Variants in SLC44A1 observed in about 807,000 individuals in gnomAD.
The protein encoded by SLC44A1 is solute carrier family 44 member 1, also known as choline transporter-like protein 1.
In SLC44A1, 26 loss-of-function variants were observed where a neutral mutation model predicts 79.3. That is an observed-to-expected ratio of 0.33 (90% CI 0.24 to 0.46). The LOEUF is 0.46. SLC44A1 is among the 20% of genes least tolerant of loss of function. SLC44A1 has a pLI of 1.00. For missense variants in SLC44A1, 688 were observed against 798.1 expected, an observed-to-expected ratio of 0.86 and a Z score of 1.66; for synonymous variants, 263 against 286.2, an observed-to-expected ratio of 0.92 and a Z score of 0.82.
intron 12 of SLC44A1, among the ~76,000 whole-genome samples, chr9:105,372,688 C>T (rs368408142): frequency 1.3e-5 from 2 of 150,934 alleles, no homozygotes; most frequent in African/African-American, 2.4e-5. Flanking sequence ...CGGTGGCTCA[C>T]GCCTGTAATC....
At chr9:105,375,063 C>T (rs906159708) in intron 13 of SLC44A1, among the ~76,000 whole-genome samples, 10 of 152,138 alleles carry the variant, frequency 6.6e-5, no homozygotes, top group African/African-American at 2.4e-4. Context: ...GTTTTTGAAA[C>T]GGAGTTTCGC....
chr9:105,366,456 T>G, intron 12 of SLC44A1, 27 bp downstream of exon 12: 1 of 1,017,912 alleles, frequency 9.8e-7, no homozygotes, highest in Non-Finnish European at 1.4e-6. Flanking sequence ...ATAAATCTAA[T>G]ATTTACTTTC....
At chr9:105,350,575 T>C (rs1455296183) in intron 5 of SLC44A1, among the ~76,000 whole-genome samples, 1 of 152,134 alleles carries the variant, frequency 6.6e-6, no homozygotes, top group African/African-American at 2.4e-5. Flanking sequence ...GGTGTCCTTC[T>C]AGGAGCATAC....
intron 15 of SLC44A1, among the ~76,000 whole-genome samples, chr9:105,436,305 C>A (rs1049439171): frequency 6.6e-6 from 1 of 152,172 alleles, no homozygotes; most frequent in African/African-American, 2.4e-5. Flanking sequence ...GTGACTAGGC[C>A]ACATGATCAT....
intron 15 of SLC44A1, among the ~76,000 whole-genome samples, chr9:105,429,912 T>A (rs1224658763): frequency 6.6e-6 from 1 of 151,168 alleles, no homozygotes; most frequent in Non-Finnish European, 1.5e-5. Context: ...ATATATATAT[T>A]TTGAGACAGG....
At chr9:105,424,948 C>CAAAAA (rs200345209) in intron 15 of SLC44A1, among the ~76,000 whole-genome samples, 18 of 96,178 alleles carry the variant, frequency 1.9e-4, no homozygotes, top group African/African-American at 6.6e-4. Context: ...GACTCCATCT[C>CAAAAA]AAAAAAAAAA....
chr9:105,362,449 G>T (rs1443374491), intron 8 of SLC44A1, among the ~76,000 whole-genome samples: 2 of 152,070 alleles, frequency 1.3e-5, no homozygotes, highest in East Asian at 1.9e-4. Flanking sequence ...AGGAGCTGTT[G>T]GTCTAATAAG....
At chr9:105,278,212 A>C (rs73510270) in intron 1 of SLC44A1, among the ~76,000 whole-genome samples, 29 of 150,608 alleles carry the variant, frequency 1.9e-4, no homozygotes, top group African/African-American at 6.6e-4. Context: ...CAGGTGTGCC[A>C]CTACCGCCTG....
chr9:105,338,894 A>T (rs1827003435), intron 4 of SLC44A1, among the ~76,000 whole-genome samples: 1 of 152,218 alleles, frequency 6.6e-6, no homozygotes, highest in South Asian at 2.1e-4. Flanking sequence ...TTAATATATA[A>T]TTCAAACTTA....
Position 105,394,962 on chromosome 9 carries a change from T to A in SLC44A1, c.*5906T>A. On this transcript the variant is annotated 3_prime_UTR_variant, in exon 16 of 16. Transcript: ENST00000374720. Reference sequence around the variant, plus strand: ...ATGTGGATTTCTTCACATCTGCACCTTACTATTAGGTAAGGGTGCTGCATC... The same window carrying A: ...ATGTGGATTTCTTCACATCTGCACCATACTATTAGGTAAGGGTGCTGCATC... 3 of 985,378 alleles carry A rather than the reference T, an allele frequency of 3.0e-6. No individual in the cohort carries two copies. The highest frequency in any genetic ancestry group is 3.6e-6 in the Non-Finnish European group (3 of 829,914). 61.0% of individuals were successfully genotyped at this position (985,378 alleles called of 1,614,324 possible). A position where few individuals can be genotyped will look rare whatever the true frequency, so the allele number is the denominator to read the frequency against.
intron 3 of SLC44A1, among the ~76,000 whole-genome samples, chr9:105,317,296 A>G (rs533614975): frequency 6.6e-6 from 1 of 152,312 alleles, no homozygotes; most frequent in East Asian, 1.9e-4. Context: ...GAAGACTCTC[A>G]GCCAGTGACA....
At chr9:105,252,690 A>G (rs1358506351) in intron 1 of SLC44A1, among the ~76,000 whole-genome samples, 1 of 152,232 alleles carries the variant, frequency 6.6e-6, no homozygotes, top group East Asian at 1.9e-4. Flanking sequence ...AAGCGTTGTA[A>G]AGAAAACGTG....
chr9:105,334,242 T>C (rs908171158), intron 3 of SLC44A1, among the ~76,000 whole-genome samples: 1 of 151,632 alleles, frequency 6.6e-6, no homozygotes, highest in African/African-American at 2.4e-5. Context: ...CACACACATT[T>C]TTTTTTTTTT....
intron 15 of SLC44A1, among the ~76,000 whole-genome samples, chr9:105,435,852 C>T (rs920296632): frequency 3.9e-5 from 6 of 152,178 alleles, no homozygotes; most frequent in African/African-American, 1.4e-4. Flanking sequence ...TAGATGGGAA[C>T]TCTATATTAT....
intron 5 of SLC44A1, among the ~76,000 whole-genome samples, chr9:105,351,668 A>AAGAAAGAAAG (rs1325712165): frequency 7.0e-6 from 1 of 143,866 alleles, no homozygotes; most frequent in African/African-American, 2.6e-5. Context: ...GAAAGAAAGA[A>AAGAAAGAAAG]AGAAAGAACC....
intron 1 of SLC44A1, among the ~76,000 whole-genome samples, chr9:105,257,232 G>T (rs935321094): frequency 2.6e-5 from 4 of 152,066 alleles, no homozygotes; most frequent in African/African-American, 9.7e-5. Flanking sequence ...AAGTAGCTGC[G>T]ATTACAAGCA....
chr9:105,295,316 T>C (rs1226153586), intron 1 of SLC44A1, among the ~76,000 whole-genome samples: 1 of 152,226 alleles, frequency 6.6e-6, no homozygotes, highest in East Asian at 1.9e-4. Flanking sequence ...TTTGGTACTA[T>C]TCAGTTCCTA....
At chr9:105,438,328 AG>A (rs1275654085) in exon 16 of SLC44A1, 1 of 1,545,656 alleles carries the variant, frequency 6.5e-7, no homozygotes, top group South Asian at 1.2e-5. Context: ...ATGAACTCAG[AG>A]GAGGTTGTTT....
chr9:105,282,747 C>T (rs910718733), intron 1 of SLC44A1, among the ~76,000 whole-genome samples: 3 of 152,064 alleles, frequency 2.0e-5, no homozygotes, highest in Admixed American at 6.6e-5. Flanking sequence ...CGGGGTTTCA[C>T]CATGTTGGCC....
Sources: gnomAD v4.1 joint callset for allele counts (sites outside exome capture counted in the v4.1 genomes callset) on GRCh38, gnomAD v4.1.1 for gene constraint, MANE v1.5 for transcripts, NCBI Gene and HGNC (gene_info 2026-07-23, HGNC 2026-07-21) for gene names.